The following ASTN2 variants were observed in gnomAD, a reference collection of about 807,000 sequenced individuals.
ASTN2 encodes the protein astrotactin-2.
ASTN2 carries 54 observed loss-of-function variants against 139.8 expected under a neutral mutation model. The ratio of observed to expected loss-of-function variants is 0.39; its 90% CI spans 0.31 to 0.48. ASTN2 has a LOEUF of 0.48. Ranked by LOEUF, ASTN2 falls within the 20% of genes least tolerant of loss-of-function variation. The probability of loss-of-function intolerance (pLI) is 0.95; values close to 1 mark genes in which losing one functional copy is unlikely to be tolerated. For synonymous variants in ASTN2, 756 were observed against 719.5 expected (o/e 1.05, Z -0.81); for missense variants, 1,565 against 1,725.1 (o/e 0.91, Z 1.64).
intron 1 of ASTN2, among the ~76,000 whole-genome samples, chr9:117,329,685 A>T (rs2130846266): frequency 6.6e-6 from 1 of 152,290 alleles, no homozygotes; most frequent in Admixed American, 6.5e-5. Flanking sequence ...CTTGGCAAGA[A>T]GTTCTAGCTC....
intron 10 of ASTN2, among the ~76,000 whole-genome samples, chr9:116,961,120 C>G (rs867532555): frequency 2.6e-5 from 4 of 152,118 alleles, no homozygotes; most frequent in Admixed American, 2.0e-4. Context: ...CTAGAACTGG[C>G]AGGGATGGCC....
At chr9:116,730,852 A>G (rs1365804533) in intron 14 of ASTN2, among the ~76,000 whole-genome samples, 1 of 152,130 alleles carries the variant, frequency 6.6e-6, no homozygotes, top group East Asian at 1.9e-4. Context: ...TTCTCACTCC[A>G]TCCCTCACTT....
chr9:116,999,548 CTTTTTTT>C (rs71379248), intron 7 of ASTN2, among the ~76,000 whole-genome samples: 21 of 94,962 alleles, frequency 2.2e-4, no homozygotes, highest in African/African-American at 8.8e-4. Flanking sequence ...TTCTCTCTTT[CTTTTTTT>C]TTTTTTTTTT....
At chr9:116,947,139 T>C (rs1449807188) in intron 10 of ASTN2, among the ~76,000 whole-genome samples, 1 of 152,082 alleles carries the variant, frequency 6.6e-6, no homozygotes, top group African/African-American at 2.4e-5. Flanking sequence ...GACTTGAAAA[T>C]GGTTTTAGAA....
intron 4 of ASTN2, among the ~76,000 whole-genome samples, chr9:117,134,333 C>T (rs1039247180): frequency 1.5e-5 from 2 of 130,732 alleles, no homozygotes; most frequent in African/African-American, 2.8e-5. Context: ...CACACACACA[C>T]ACACACGCCT....
At chr9:116,713,565 A>C (rs925606203) in intron 16 of ASTN2, among the ~76,000 whole-genome samples, 2 of 152,218 alleles carry the variant, frequency 1.3e-5, no homozygotes, top group African/African-American at 4.8e-5. Flanking sequence ...TTCCTGACTA[A>C]GTACTTCTAA....
intron 7 of ASTN2, among the ~76,000 whole-genome samples, chr9:116,988,430 T>C (rs1159112401): frequency 6.6e-6 from 1 of 152,158 alleles, no homozygotes; most frequent in East Asian, 1.9e-4. Context: ...GACCTCTTGG[T>C]TATCACTTAG....
chr9:117,404,694 G>A (rs16905601), intron 1 of ASTN2, among the ~76,000 whole-genome samples: 1,761 of 152,154 alleles, frequency 0.012, 14 homozygotes, highest in African/African-American at 0.025. Context: ...GCCAGATAGC[G>A]GCTACATCTC....
At chr9:116,805,462 T>C (rs1831005453) in intron 13 of ASTN2, among the ~76,000 whole-genome samples, 170 bp downstream of exon 13, 1 of 152,090 alleles carries the variant, frequency 6.6e-6, no homozygotes, top group African/African-American at 2.4e-5. Context: ...AGAAACCTTA[T>C]GGAATAAAGT....
chr9:116,743,754 C>T (rs183125040), intron 13 of ASTN2, among the ~76,000 whole-genome samples: 5 of 152,286 alleles, frequency 3.3e-5, no homozygotes, highest in East Asian at 1.9e-4. Context: ...ATGCCCACTT[C>T]GCCCTCCCAA....
chr9:117,159,924 C>T (rs1445986857), intron 3 of ASTN2, among the ~76,000 whole-genome samples: 1 of 152,010 alleles, frequency 6.6e-6, no homozygotes, highest in Admixed American at 6.6e-5. Flanking sequence ...CTCAGTTTTG[C>T]TCCAAGCTGC....
chr9:116,490,272 TAAAAAAAAAAA>T (rs140391473), intron 19 of ASTN2, among the ~76,000 whole-genome samples: 5 of 37,908 alleles, frequency 1.3e-4, no homozygotes, highest in Admixed American at 6.3e-4. Context: ...TGATAAAAAG[TAAAAAAAAAAA>T]AAAAAAAAAA....
At chr9:116,935,750 G>T (rs1835048896) in intron 10 of ASTN2, among the ~76,000 whole-genome samples, 1 of 152,136 alleles carries the variant, frequency 6.6e-6, no homozygotes, top group South Asian at 2.1e-4. Flanking sequence ...GCCTGAACTT[G>T]GGGGTATGTT....
intron 4 of ASTN2, among the ~76,000 whole-genome samples, chr9:117,097,674 A>G (rs1221953414): frequency 1.3e-5 from 2 of 152,328 alleles, no homozygotes; most frequent in Admixed American, 1.3e-4. Context: ...CATCTTTTCA[A>G]TCAAGCACCA....
At chr9:116,866,999 GA>G (rs1335608742) in intron 10 of ASTN2, among the ~76,000 whole-genome samples, 1 of 151,532 alleles carries the variant, frequency 6.6e-6, no homozygotes, top group Non-Finnish European at 1.5e-5. Context: ...CAGAGAGGCA[GA>G]AACACATATA....
intron 11 of ASTN2, among the ~76,000 whole-genome samples, chr9:116,852,708 T>C (rs1314376653): frequency 6.6e-6 from 1 of 152,116 alleles, no homozygotes; most frequent in Non-Finnish European, 1.5e-5. Context: ...CCATTTATCC[T>C]CAAGACCTAT....
intron 19 of ASTN2, among the ~76,000 whole-genome samples, chr9:116,514,958 C>T (rs1180061571): frequency 6.6e-6 from 1 of 152,098 alleles, no homozygotes; most frequent in Non-Finnish European, 1.5e-5. Context: ...TGAGGCGATG[C>T]CTCACCCTGC....
intron 20 of ASTN2, among the ~76,000 whole-genome samples, chr9:116,452,171 C>G (rs1321151366): frequency 6.6e-6 from 1 of 152,210 alleles, no homozygotes; most frequent in African/African-American, 2.4e-5. Context: ...CCCAATTATT[C>G]TACTCCAACT....
intron 4 of ASTN2, among the ~76,000 whole-genome samples, chr9:117,120,526 G>A (rs956825221): frequency 6.6e-6 from 1 of 152,144 alleles, no homozygotes; most frequent in East Asian, 1.9e-4. Context: ...GACAGTGATA[G>A]CAGAGACCCC....
Sources: allele counts gnomAD v4.1 joint callset (sites outside exome capture counted in the v4.1 genomes callset), GRCh38; gene constraint gnomAD v4.1.1; transcripts MANE v1.5; gene names NCBI Gene and HGNC (gene_info 2026-07-23, HGNC 2026-07-21).